Variants in RGL1 observed in about 807,000 individuals in gnomAD.
RGL1 encodes the protein ral guanine nucleotide dissociation stimulator like 1.
In RGL1, 24 loss-of-function variants were observed where a neutral mutation model predicts 95.2. The ratio of observed to expected loss-of-function variants is 0.25; its 90% CI spans 0.18 to 0.35. RGL1 has a LOEUF of 0.35. RGL1 is among the 10% of genes least tolerant of loss of function. RGL1 has a pLI of 1.00. For missense variants in RGL1, 715 were observed against 936.3 expected, an observed-to-expected ratio of 0.76 and a Z score of 3.08; for synonymous variants, 329 against 344.9, an observed-to-expected ratio of 0.95 and a Z score of 0.51.
chr1:183,752,026 A>C (rs1195011170), intron 2 of RGL1, among the ~76,000 whole-genome samples: 3 of 152,096 alleles, frequency 2.0e-5, no homozygotes, highest in African/African-American at 7.2e-5. Context: ...CATACTATAC[A>C]TATCTTATTT....
chr1:183,666,249 C>T (rs1652033351), intron 1 of RGL1, among the ~76,000 whole-genome samples: 1 of 152,064 alleles, frequency 6.6e-6, no homozygotes. Flanking sequence ...CGGTGATCCA[C>T]CCGCCTCGGC....
chr1:183,670,291 C>G (rs1296744129), intron 1 of RGL1, among the ~76,000 whole-genome samples: 1 of 152,214 alleles, frequency 6.6e-6, no homozygotes, highest in Non-Finnish European at 1.5e-5. Context: ...AGGCTCTGAT[C>G]AAACCCCAGT....
chr1:183,921,024 CTTTTAT>C (rs1669283101), intron 16 of RGL1, among the ~76,000 whole-genome samples: 1 of 152,116 alleles, frequency 6.6e-6, no homozygotes, highest in Non-Finnish European at 1.5e-5. Flanking sequence ...GTGAGAACAG[CTTTTAT>C]TTTTAAGTAA....
chr1:183,727,697 A>G (rs1656390130), intron 1 of RGL1, among the ~76,000 whole-genome samples: 1 of 152,216 alleles, frequency 6.6e-6, no homozygotes, highest in African/African-American at 2.4e-5. Flanking sequence ...GCATGCAGCA[A>G]ACAGCAAATC....
At chr1:183,869,153 A>G (rs914666124) in intron 4 of RGL1, among the ~76,000 whole-genome samples, 3 of 152,112 alleles carry the variant, frequency 2.0e-5, no homozygotes, top group Non-Finnish European at 4.4e-5. Context: ...AAAAATCCAG[A>G]GCTTCTCTGT....
chr1:183,743,736 A>G, intron 2 of RGL1, among the ~76,000 whole-genome samples: 1 of 152,032 alleles, frequency 6.6e-6, no homozygotes, highest in East Asian at 1.9e-4. Context: ...GGGAAATCAA[A>G]TAATGCTGAG....
At chr1:183,636,876 G>A (rs1450691061) in intron 1 of RGL1, among the ~76,000 whole-genome samples, 1 of 152,212 alleles carries the variant, frequency 6.6e-6, no homozygotes, top group Non-Finnish European at 1.5e-5. Context: ...ACAAATATTT[G>A]CAGGATAAAA....
intron 1 of RGL1, among the ~76,000 whole-genome samples, chr1:183,736,875 A>G (rs940554650): frequency 3.3e-5 from 5 of 152,224 alleles, no homozygotes; most frequent in African/African-American, 4.8e-5. Flanking sequence ...GCATGACCCT[A>G]ATAGATAAAG....
chr1:183,920,039 CT>C (rs34791923), intron 16 of RGL1, among the ~76,000 whole-genome samples: 282 of 145,926 alleles, frequency 1.9e-3, no homozygotes, highest in African/African-American at 3.3e-3. Flanking sequence ...CTTTCAAAAA[CT>C]TTTTTTTTTT....
intron 2 of RGL1, among the ~76,000 whole-genome samples, chr1:183,750,067 G>C (rs967936487): frequency 6.6e-6 from 1 of 152,146 alleles, no homozygotes; most frequent in Non-Finnish European, 1.5e-5. Context: ...GAGCATCTTA[G>C]TGGTGCTCTC....
At chr1:183,687,181 A>G (rs985062915) in intron 1 of RGL1, among the ~76,000 whole-genome samples, 6 of 152,090 alleles carry the variant, frequency 3.9e-5, no homozygotes, top group African/African-American at 1.4e-4. Context: ...ATTTAACAAT[A>G]TCTGGTATTA....
chr1:183,647,573 T>C, intron 1 of RGL1: 1 of 1,472,298 alleles, frequency 6.8e-7, no homozygotes, highest in Admixed American at 2.3e-5. Context: ...AGTGCATCAG[T>C]TTATCTCCAT....
intron 1 of RGL1, among the ~76,000 whole-genome samples, chr1:183,672,510 A>G (rs558871758): frequency 6.6e-6 from 1 of 152,260 alleles, no homozygotes; most frequent in African/African-American, 2.4e-5. Context: ...TATAAAAATT[A>G]TCATTCATTT....
intron 2 of RGL1, among the ~76,000 whole-genome samples, chr1:183,770,897 G>A (rs553829691): frequency 6.6e-6 from 1 of 152,294 alleles, no homozygotes; most frequent in East Asian, 1.9e-4. Context: ...AGTTCTATGA[G>A]ACAATTGGGC....
intron 2 of RGL1, among the ~76,000 whole-genome samples, chr1:183,746,443 T>G (rs1046204775): frequency 3.3e-5 from 5 of 152,032 alleles, no homozygotes; most frequent in Non-Finnish European, 2.9e-5. Flanking sequence ...TTTATAAAAT[T>G]TTTAAGATTC....
Position 183,866,036 on chromosome 1 carries a change from A to G in RGL1, c.388A>G (p.Ser130Gly). 4.3e-6 allele frequency: 7 copies of G among 1,614,038 alleles called. No individual in the cohort carries two copies. Among genetic ancestry groups the G allele is most frequent in the Non-Finnish European group, 5.9e-6 (7 of 1,179,930 alleles). ...AAGCCCAAACTGTGAAGAAGATGGA[A>G]GCCAAAGTTCATCAGAGTCCAAAAT... ...LTSPNCEEDGSQSSSESKMVI... is the reference protein window; with the variant it reads ...LTSPNCEEDGGQSSSESKMVI... The change falls in exon 4 of 18, where the codon AGC (serine) becomes GGC (glycine). Residue 130 changes from serine to glycine, a missense_variant. This residue lies in a region of RGL1 where 381 missense variants were observed against 484.8 expected (regional missense o/e 0.79). Transcript: ENST00000360851.
intron 4 of RGL1, among the ~76,000 whole-genome samples, chr1:183,879,237 C>T (rs1666687690): frequency 6.6e-6 from 1 of 152,124 alleles, no homozygotes; most frequent in South Asian, 2.1e-4. Flanking sequence ...AACAGTAACA[C>T]ATTTATTTTC....
chr1:183,719,715 G>T (rs1655876071), intron 1 of RGL1, among the ~76,000 whole-genome samples: 1 of 152,210 alleles, frequency 6.6e-6, no homozygotes, highest in East Asian at 1.9e-4. Context: ...AGACCAGCCT[G>T]GCCAACATGG....
Position 183,824,255 on chromosome 1 carries a change from C to A in RGL1, c.138+17770C>A, listed in dbSNP as rs911021265. On this transcript the variant is annotated intron_variant, in intron 2 of 17. Transcript: ENST00000360851. Reference sequence around the variant, plus strand: ...TACCTTCTTGTACACCCTTTAGACACCACTGTGATTCTAATTTCTGTGAAG... The same window carrying A: ...TACCTTCTTGTACACCCTTTAGACAACACTGTGATTCTAATTTCTGTGAAG... 3.9e-5 allele frequency among the ~76,000 whole-genome samples: 6 copies of A among 152,146 alleles called. 1 individual carries two copies. Among genetic ancestry groups the A allele is most frequent in the Admixed American group, 6.5e-5 (1 of 15,268 alleles).
Sources: gnomAD v4.1 joint callset for allele counts (sites outside exome capture counted in the v4.1 genomes callset) on GRCh38, gnomAD v4.1.1 for gene constraint, gnomAD v4.1.1 regional missense constraint, MANE v1.5 for transcripts, NCBI Gene and HGNC (gene_info 2026-07-23, HGNC 2026-07-21) for gene names.